MTF2: variants seen among roughly 807,000 people sequenced by gnomAD.
MTF2 encodes the protein metal response element binding transcription factor 2.
In MTF2, 11 loss-of-function variants were observed where a neutral mutation model predicts 79.5. The ratio of observed to expected loss-of-function variants is 0.14; its 90% confidence interval spans 0.09 to 0.23. MTF2 has a LOEUF of 0.23. Ranked by LOEUF, MTF2 falls within the 10% of genes least tolerant of loss-of-function variation. MTF2 has a pLI of 1.00. For synonymous variants in MTF2, 208 were observed against 232.8 expected (o/e 0.89, Z 0.97); for missense variants, 486 against 711.2 (o/e 0.68, Z 3.60).
Position 93,137,054 on chromosome 1 carries a change from G to C in MTF2, c.*27G>C. 6 of 1,555,528 alleles carry C rather than the reference G, an allele frequency of 3.9e-6. No individual in the cohort carries two copies. The highest frequency in any genetic ancestry group is 5.3e-6 in the Non-Finnish European group (6 of 1,130,520). On this transcript the variant is annotated 3_prime_UTR_variant, in exon 15 of 15. Coordinates refer to ENST00000370298, the MANE Select transcript of MTF2 (RefSeq NM_007358.4). ...TGTAGGACTGAACATTATGTTCACT[G>C]CACTCTGATTTTCTGTAGGTACAGT...
chr1:93,118,503 G>T, intron 7 of MTF2, 63 bp downstream of exon 7: 1 of 1,172,860 alleles, frequency 8.5e-7, no homozygotes, highest in South Asian at 1.5e-5. Flanking sequence ...GGTTATATTT[G>T]TGATTTCAGA....
chr1:93,100,359 C>T (rs1377002254), intron 1 of MTF2, among the ~76,000 whole-genome samples: 1 of 152,162 alleles, frequency 6.6e-6, no homozygotes, highest in Non-Finnish European at 1.5e-5. Context: ...GGCTGGAGTG[C>T]AGTGGCATGA....
chr1:93,104,564 A>G lies in MTF2; in HGVS notation c.6-5666A>G, dbSNP rs547273651. The stretch of plus-strand genomic sequence containing the variant: ...CGTGGTGGCATGCACCTGTAATCCC[A>G]GCTATCCGGGAGGCTGAGGCACAAG... On this transcript the variant is annotated intron_variant, in intron 1 of 14. Coordinates refer to ENST00000370298, the MANE Select transcript of MTF2 (RefSeq NM_007358.4). Among the ~76,000 whole-genome samples, 14 of 151,702 alleles carry G rather than the reference A, an allele frequency of 9.2e-5. 1 individual carries two copies. In the South Asian group the frequency reaches 2.9e-3, roughly 32 times the overall value.
Position 93,084,379 on chromosome 1 carries a change from T to C in MTF2, c.5+4848T>C, listed in dbSNP as rs374192602. 3.9e-5 allele frequency among the ~76,000 whole-genome samples: 6 copies of C among 152,342 alleles called. No individual in the cohort carries two copies. The East Asian group carries it at 5.8e-4, about 15-fold the overall frequency. ...GTACTTAGGACTGTACCATAATATT[T>C]TAATTACCATTACTTCATAGTAAGT... On this transcript the variant is annotated intron_variant, in intron 1 of 14. Coordinates refer to ENST00000370298, the MANE Select transcript of MTF2 (RefSeq NM_007358.4).
intron 8 of MTF2, 87 bp downstream of exon 8, chr1:93,119,488 T>A: frequency 1.1e-6 from 1 of 950,062 alleles, no homozygotes; most frequent in Non-Finnish European, 1.6e-6. Context: ...TTACTTGGCT[T>A]AAGTAAAAAT....
intron 11 of MTF2, among the ~76,000 whole-genome samples, chr1:93,132,789 A>G (rs1234895701): frequency 2.0e-5 from 3 of 151,628 alleles, no homozygotes; most frequent in Non-Finnish European, 4.4e-5. Context: ...TCTCTCCTTA[A>G]TTGAAGTCTC....
chr1:93,093,128 G>A (rs1655140262), intron 1 of MTF2, among the ~76,000 whole-genome samples: 1 of 151,794 alleles, frequency 6.6e-6, no homozygotes, highest in African/African-American at 2.4e-5. Flanking sequence ...GTTGCAGTGA[G>A]CTGAGATCAC....
chr1:93,093,466 T>C (rs1299533232), intron 1 of MTF2, among the ~76,000 whole-genome samples: 2 of 152,178 alleles, frequency 1.3e-5, no homozygotes, highest in African/African-American at 4.8e-5. Context: ...TTTGGACTGG[T>C]TCTCTAGACC....
intron 7 of MTF2, 70 bp downstream of exon 7, chr1:93,118,510 C>T (rs1656343533): frequency 2.7e-6 from 3 of 1,091,428 alleles, no homozygotes; most frequent in Non-Finnish European, 2.6e-6. Context: ...TTTGTGATTT[C>T]AGATTTCCTA....
Position 93,116,079 on chromosome 1 carries a change from CT to C in MTF2, c.632+464del, listed in dbSNP as rs1408973228. Among the ~76,000 whole-genome samples, 3 of 152,096 alleles carry C rather than the reference CT, an allele frequency of 2.0e-5. No individual in the cohort carries two copies. The East Asian group carries it at 5.8e-4, about 29-fold the overall frequency. On this transcript the variant is annotated intron_variant, in intron 6 of 14. Transcript: ENST00000370298. ...TGCTTTCTTCTACGTATTTTCATTT[CT>C]TTCTTAAAGTGATAGGGCACAGATT...
rs1454446235 is a variant in MTF2, at chr1:93,118,672, A to G, written c.728+232A>G. Among the ~76,000 whole-genome samples the G allele has an allele frequency of 2.6e-5, 4 of 152,184 alleles. No homozygotes were observed. In the East Asian group the frequency reaches 5.8e-4, roughly 22 times the overall value. ...TGATTACATTTGCTCCTATTGACCC[A>G]TAGTACTCTAAAGTATTCTCATTGG... On this transcript the variant is annotated intron_variant, in intron 7 of 14. Transcript: ENST00000370298.
chr1:93,110,924 G>A (rs1351033980), intron 3 of MTF2, among the ~76,000 whole-genome samples: 2 of 152,160 alleles, frequency 1.3e-5, no homozygotes, highest in Non-Finnish European at 2.9e-5. Flanking sequence ...CAATTCAACT[G>A]TTGCTTGCTT....
intron 1 of MTF2, among the ~76,000 whole-genome samples, chr1:93,107,246 A>G (rs896316132): frequency 2.6e-5 from 4 of 152,070 alleles, no homozygotes; most frequent in Admixed American, 1.3e-4. Flanking sequence ...TGTTTTTGAG[A>G]TGTAGTTTTG....
intron 4 of MTF2, 58 bp from the exon 5 acceptor site, chr1:93,114,930 A>T: frequency 1.5e-6 from 2 of 1,337,592 alleles, no homozygotes; most frequent in Middle Eastern, 1.9e-4. Flanking sequence ...GCATTCTTGA[A>T]ATTGTGTTGA....
At chr1:93,118,520 A>G (rs1023861821) in intron 7 of MTF2, 80 bp downstream of exon 7, 1 of 982,216 alleles carries the variant, frequency 1.0e-6, no homozygotes, top group African/African-American at 1.7e-5. Context: ...CAGATTTCCT[A>G]AAGATAGTTT....
At position 93,108,890 on chromosome 1, in the gene MTF2, A is replaced by G. The variant is rs535462167; in HGVS notation, c.6-1340A>G. Reference sequence around the variant, plus strand: ...TCCATCTCTATGACTTTGAGTGTCTAGGCACCTCATATAAGTGGAATAGTT... The same window carrying G: ...TCCATCTCTATGACTTTGAGTGTCTGGGCACCTCATATAAGTGGAATAGTT... On this transcript the variant is annotated intron_variant, in intron 1 of 14. Transcript: ENST00000370298. Among the ~76,000 whole-genome samples the G allele has an allele frequency of 2.0e-4, 31 of 152,240 alleles. No individual in the cohort carries two copies. In the South Asian group the frequency reaches 3.7e-3, roughly 18 times the overall value.
intron 1 of MTF2, among the ~76,000 whole-genome samples, chr1:93,095,719 G>A (rs949944394): frequency 1.4e-5 from 2 of 146,150 alleles, no homozygotes; most frequent in African/African-American, 5.1e-5. Context: ...GCAGTGGTGT[G>A]ATCTCAGCTC....
chr1:93,134,694 T>C (rs1213930518), intron 14 of MTF2, among the ~76,000 whole-genome samples: 1 of 152,104 alleles, frequency 6.6e-6, no homozygotes, highest in Non-Finnish European at 1.5e-5. Context: ...TAAGTAATGC[T>C]TTTTTATTTT....
At chr1:93,106,208 A>G (rs1655778822) in intron 1 of MTF2, among the ~76,000 whole-genome samples, 1 of 152,172 alleles carries the variant, frequency 6.6e-6, no homozygotes, top group South Asian at 2.1e-4. Flanking sequence ...AATGTTTGAT[A>G]CCTTATGACC....
Sources: allele counts gnomAD v4.1 joint callset (sites outside exome capture counted in the v4.1 genomes callset), GRCh38; gene constraint gnomAD v4.1.1; transcripts MANE v1.5; gene names NCBI Gene and HGNC (gene_info 2026-07-23, HGNC 2026-07-21).